SCD5: variants seen among roughly 807,000 people sequenced by gnomAD.
SCD5 encodes the protein stearoyl-CoA desaturase 5.
In SCD5, 20 loss-of-function variants were observed where a neutral mutation model predicts 30.4. The observed-to-expected ratio is 0.66, with a 90% CI of 0.46 to 0.96. SCD5 has a LOEUF of 0.96. Ranked by LOEUF, SCD5 falls within the 40% of genes least tolerant of loss-of-function variation. The pLI, the probability that SCD5 is intolerant of heterozygous loss-of-function variation, is 0.00. For missense variants in SCD5, 381 were observed against 443.3 expected, an observed-to-expected ratio of 0.86 and a Z score of 1.26; for synonymous variants, 173 against 176.4, an observed-to-expected ratio of 0.98 and a Z score of 0.16.
At chr4:82,753,858 T>C (rs1721165404) in intron 1 of SCD5, among the ~76,000 whole-genome samples, 1 of 152,142 alleles carries the variant, frequency 6.6e-6, no homozygotes, top group South Asian at 2.1e-4. Flanking sequence ...TCCATTTCCT[T>C]GAGGCCCTGG....
intron 1 of SCD5, among the ~76,000 whole-genome samples, chr4:82,747,052 A>G (rs1282307608): frequency 1.5e-5 from 2 of 133,560 alleles, no homozygotes; most frequent in Admixed American, 7.8e-5. Context: ...GCAGTTAGAG[A>G]AAAGTCTGGG....
chr4:82,747,753 G>C (rs1721025371), intron 1 of SCD5, among the ~76,000 whole-genome samples: 1 of 152,166 alleles, frequency 6.6e-6, no homozygotes, highest in African/African-American at 2.4e-5. Context: ...AACTGTCTTT[G>C]CACCTCTCTT....
intron 1 of SCD5, among the ~76,000 whole-genome samples, chr4:82,793,912 C>A (rs1722152856): frequency 6.6e-6 from 1 of 152,162 alleles, no homozygotes; most frequent in Non-Finnish European, 1.5e-5. Flanking sequence ...ACCATGCATT[C>A]TTGGGGGTCC....
intron 3 of SCD5, among the ~76,000 whole-genome samples, chr4:82,664,961 ATCTCTCTCTCTCTCTCTC>A (rs368839845): frequency 1.3e-5 from 1 of 77,074 alleles, no homozygotes. Flanking sequence ...GCAAGACCCC[ATCTCTCTCTCTCTCTCTC>A]TCTCTCTCTC....
chr4:82,758,311 A>C (rs1721273999), intron 1 of SCD5, among the ~76,000 whole-genome samples: 1 of 152,142 alleles, frequency 6.6e-6, no homozygotes, highest in African/African-American at 2.4e-5. Flanking sequence ...AAAAACAAAA[A>C]AAAAGTAGCC....
chr4:82,678,818 C>T (rs186424877), intron 3 of SCD5, among the ~76,000 whole-genome samples: 1 of 152,314 alleles, frequency 6.6e-6, no homozygotes, highest in East Asian at 1.9e-4. Flanking sequence ...TTCTACTTCT[C>T]TGAATTTTTC....
chr4:82,648,854 C>T (rs1247326878), intron 3 of SCD5, among the ~76,000 whole-genome samples: 9 of 152,110 alleles, frequency 5.9e-5, no homozygotes, highest in Non-Finnish European at 2.9e-5. Flanking sequence ...TCGGTCGTGC[C>T]GAGACTAAGA....
intron 2 of SCD5, among the ~76,000 whole-genome samples, chr4:82,699,982 C>CA (rs1560537432): frequency 1.3e-5 from 2 of 151,758 alleles, no homozygotes; most frequent in Admixed American, 1.3e-4. Context: ...TTTGGAAGGC[C>CA]AAGGCAGGTG....
In SCD5 at chr4:82,630,317, A is replaced by AT. The variant is rs1727258555; in HGVS notation, c.*1009dup. Reference sequence around the variant, plus strand: ...AACAAGAGCCATTTCCTGTATTCTCATTTTTTTCAGTTTTTGATTCTCTTA... The same window carrying AT: ...AACAAGAGCCATTTCCTGTATTCTCATTTTTTTTCAGTTTTTGATTCTCTTA... On this transcript the variant is annotated 3_prime_UTR_variant, in exon 5 of 5. Transcript: ENST00000319540. The AT allele has an allele frequency of 1.3e-5, 2 of 152,120 alleles. No homozygotes were observed. Among genetic ancestry groups the AT allele is most frequent in the African/African-American group, 4.8e-5 (2 of 41,414 alleles). 9.4% of individuals were successfully genotyped at this position (152,120 alleles called of 1,614,324 possible).
In SCD5 at chr4:82,636,583, C is replaced by T; in HGVS notation, c.802+8G>A. The stretch of plus-strand genomic sequence containing the variant: ...TTCTCCCCATTGGCCCTCAACACCC[C>T]TACTCACCAATGGCACCCAGAGCGA... On this transcript the variant is annotated splice_region_variant and intron_variant, in intron 4 of 4. Transcript: ENST00000319540. 1 of 1,610,904 alleles carries T rather than the reference C, an allele frequency of 6.2e-7. No individual in the cohort carries two copies. The highest frequency in any genetic ancestry group is 8.5e-7 in the Non-Finnish European group (1 of 1,178,192).
chr4:82,778,116 A>C (rs952217791), intron 1 of SCD5, among the ~76,000 whole-genome samples: 18 of 152,160 alleles, frequency 1.2e-4, no homozygotes, highest in African/African-American at 3.9e-4. Context: ...CTAACACAGG[A>C]ACAGAAAACC....
intron 1 of SCD5, among the ~76,000 whole-genome samples, chr4:82,736,956 G>A (rs978408804): frequency 3.5e-4 from 54 of 152,226 alleles, no homozygotes; most frequent in African/African-American, 1.1e-3. Context: ...GTAAGCCACC[G>A]TGCCAGACCA....
chr4:82,748,393 T>C (rs1721037879), intron 1 of SCD5, among the ~76,000 whole-genome samples: 1 of 152,152 alleles, frequency 6.6e-6, no homozygotes, highest in South Asian at 2.1e-4. Context: ...CAGTGTTTCT[T>C]TGGACCAGCT....
intron 1 of SCD5, among the ~76,000 whole-genome samples, chr4:82,730,246 TATA>T (rs1720599138): frequency 8.5e-6 from 1 of 117,956 alleles, no homozygotes; most frequent in Non-Finnish European, 1.8e-5. Context: ...TTTAAAAACA[TATA>T]ATATATTATA....
intron 3 of SCD5, among the ~76,000 whole-genome samples, chr4:82,641,963 A>C (rs7669516): frequency 0.2 from 29,684 of 151,996 alleles, 3,062 homozygotes; most frequent in East Asian, 0.37. Flanking sequence ...ACACGGTAAG[A>C]GGGAGATGCC....
At chr4:82,702,601 T>C (rs1468941258) in intron 2 of SCD5, among the ~76,000 whole-genome samples, 1 of 152,220 alleles carries the variant, frequency 6.6e-6, no homozygotes. Flanking sequence ...GTCTTGTTTG[T>C]AGCATCTAGC....
chr4:82,750,076 G>A (rs544490493), intron 1 of SCD5, among the ~76,000 whole-genome samples: 17 of 152,296 alleles, frequency 1.1e-4, no homozygotes, highest in African/African-American at 3.6e-4. Flanking sequence ...AGGATTTACT[G>A]TGAACAATTG....
In SCD5 at chr4:82,630,529, TACTTTCCTTC is replaced by T. The variant is rs1392398733; in HGVS notation, c.*788_*797del. 6.6e-6 allele frequency: 1 copy of T among 152,240 alleles called. No individual in the cohort carries two copies. The highest frequency in any genetic ancestry group is 1.5e-5 in the Non-Finnish European group (1 of 68,048). The allele number at this position is 152,240 out of a possible 1,614,324, so 9.4% of individuals were successfully genotyped here. ...CTCCTGAACTACACTGAAAGAATATTACTTTCCTTCATCCTGTCAGGGTTAGCATCATGTT... is the reference window on the plus strand; with the variant it reads ...CTCCTGAACTACACTGAAAGAATATTATCCTGTCAGGGTTAGCATCATGTT... On this transcript the variant is annotated 3_prime_UTR_variant, in exon 5 of 5. Coordinates refer to ENST00000319540, the MANE Select transcript of SCD5 (RefSeq NM_001037582.3).
At chr4:82,728,301 G>A (rs1366281903) in intron 1 of SCD5, among the ~76,000 whole-genome samples, 1 of 152,074 alleles carries the variant, frequency 6.6e-6, no homozygotes, top group African/African-American at 2.4e-5. Flanking sequence ...AGTTTGGGAG[G>A]AATTTAGTTT....
Sources: gnomAD v4.1 joint callset for allele counts (sites outside exome capture counted in the v4.1 genomes callset) on GRCh38, gnomAD v4.1.1 for gene constraint, MANE v1.5 for transcripts, NCBI Gene and HGNC (gene_info 2026-07-23, HGNC 2026-07-21) for gene names.